Variants in SPACA7 observed in about 807,000 individuals in gnomAD.
SPACA7 encodes the protein sperm acrosome associated 7.
Under a neutral mutation model 26.3 loss-of-function variants are expected in SPACA7, and 19 were observed. The observed-to-expected ratio is 0.72, with a 90% CI of 0.50 to 1.06. The LOEUF (loss-of-function observed/expected upper bound fraction) is 1.06. SPACA7 is among the 50% of genes least tolerant of loss of function. The pLI is 0.00. For missense variants in SPACA7, 211 were observed against 229.9 expected, an observed-to-expected ratio of 0.92 and a Z score of 0.53; for synonymous variants, 84 against 84.5, an observed-to-expected ratio of 0.99 and a Z score of 0.04.
At chr13:112,381,093 GCTTAT>G (rs1212465403) in intron 1 of SPACA7, among the ~76,000 whole-genome samples, 2 of 152,074 alleles carry the variant, frequency 1.3e-5, no homozygotes, top group Non-Finnish European at 2.9e-5. Context: ...TGTTTCAATA[GCTTAT>G]CTTATTTAAA....
intron 5 of SPACA7, among the ~76,000 whole-genome samples, chr13:112,402,532 C>T (rs1232065528): frequency 6.6e-6 from 1 of 152,124 alleles, no homozygotes; most frequent in East Asian, 1.9e-4. Context: ...ATGTCCCTTG[C>T]CTAATTGCAT....
chr13:112,432,420 T>C (rs1383332624), intron 5 of SPACA7, 24 bp from the exon 6 acceptor site: 16 of 1,539,906 alleles, frequency 1.0e-5, no homozygotes, highest in East Asian at 2.2e-5. Flanking sequence ...AGAGTGATCA[T>C]TGTACTTATT....
In SPACA7 at chr13:112,431,959, C is replaced by T. The variant is rs559093514; in HGVS notation, c.446-485C>T. On this transcript the variant is annotated intron_variant, in intron 5 of 6. Transcript: ENST00000283550. Reference sequence around the variant, plus strand: ...TGCACCTCTTCCTGAGCAGCGGGGACCACACAGCATAGTCATTGGTAGAAA... The same window carrying T: ...TGCACCTCTTCCTGAGCAGCGGGGATCACACAGCATAGTCATTGGTAGAAA... Among the ~76,000 whole-genome samples the T allele has an allele frequency of 7.3e-3, 1,108 of 152,248 alleles. 3 individuals are homozygous for T. The highest frequency in any genetic ancestry group is 0.01 in the Non-Finnish European group (711 of 68,020).
At chr13:112,414,196 A>G (rs1886528372) in intron 5 of SPACA7, among the ~76,000 whole-genome samples, 1 of 152,022 alleles carries the variant, frequency 6.6e-6, no homozygotes, top group Admixed American at 6.6e-5. Context: ...GAAGGGACAA[A>G]CATTCAAACT....
chr13:112,392,003 A>G (rs1426252826), intron 1 of SPACA7, among the ~76,000 whole-genome samples: 3 of 152,182 alleles, frequency 2.0e-5, no homozygotes, highest in Non-Finnish European at 4.4e-5. Context: ...CCATTTGGAA[A>G]TCAGCTTTGT....
At chr13:112,381,336 T>C (rs1396371892) in intron 1 of SPACA7, among the ~76,000 whole-genome samples, 2 of 151,724 alleles carry the variant, frequency 1.3e-5, no homozygotes, top group Non-Finnish European at 2.9e-5. Flanking sequence ...CCAAAAAAAA[T>C]GCAGAAATTA....
chr13:112,410,063 G>T (rs1886246842), intron 5 of SPACA7, among the ~76,000 whole-genome samples: 1 of 152,144 alleles, frequency 6.6e-6, no homozygotes, highest in Non-Finnish European at 1.5e-5. Context: ...CATGTCCTTT[G>T]TAGGGACATG....
chr13:112,376,948 C>T (rs527860589), intron 1 of SPACA7, among the ~76,000 whole-genome samples: 1 of 152,194 alleles, frequency 6.6e-6, no homozygotes, highest in African/African-American at 2.4e-5. Context: ...ACATAATTAC[C>T]AAAAGCCTTT....
chr13:112,432,457 G>T lies in SPACA7; in HGVS notation c.459G>T (p.Lys153Asn). Residue 153 changes from lysine to asparagine, a missense_variant, in exon 6 of 7, where the codon AAG becomes AAT. Transcript: ENST00000283550. ...TTTTCCCCACAGAAAAGAATTCAAA[G>T]AACACTCAGTATGAAAATCTATCCA... ...KSVSSKEKNS[K>N]NTQYENLSIL... The T allele has an allele frequency of 6.2e-7, 1 of 1,609,122 alleles. No individual in the cohort carries two copies. The highest frequency in any genetic ancestry group is 8.5e-7 in the Non-Finnish European group (1 of 1,175,442).
intron 5 of SPACA7, among the ~76,000 whole-genome samples, chr13:112,417,191 A>G (rs1886748981): frequency 6.6e-6 from 1 of 152,142 alleles, no homozygotes; most frequent in African/African-American, 2.4e-5. Flanking sequence ...AAGTTATCTT[A>G]ATTATAACTT....
At chr13:112,378,547 T>A (rs184165744) in intron 1 of SPACA7, 2 of 366,302 alleles carry the variant, frequency 5.5e-6, no homozygotes, top group South Asian at 2.2e-5. Context: ...TTAGATTTTT[T>A]AAAAGCTTTT....
chr13:112,416,342 A>C (rs1886694061), intron 5 of SPACA7, among the ~76,000 whole-genome samples: 1 of 151,922 alleles, frequency 6.6e-6, no homozygotes, highest in Admixed American at 6.6e-5. Flanking sequence ...GCTGGAGTGC[A>C]GTGGCATGAT....
intron 5 of SPACA7, among the ~76,000 whole-genome samples, chr13:112,431,152 A>G (rs1288626054): frequency 6.6e-6 from 1 of 152,252 alleles, no homozygotes; most frequent in Non-Finnish European, 1.5e-5. Context: ...CTTATTAAAC[A>G]TATAAACTGA....
intron 5 of SPACA7, among the ~76,000 whole-genome samples, chr13:112,429,325 A>G (rs2139076819): frequency 6.6e-6 from 1 of 152,134 alleles, no homozygotes; most frequent in East Asian, 1.9e-4. Context: ...GCAGTGAGCC[A>G]AGATGGTGCC....
chr13:112,377,861 G>C (rs1412745294), intron 1 of SPACA7, among the ~76,000 whole-genome samples: 3 of 152,174 alleles, frequency 2.0e-5, no homozygotes, highest in African/African-American at 4.8e-5. Flanking sequence ...TTAATGAGGG[G>C]AATGTCTACG....
rs869183760 is a variant in SPACA7, at chr13:112,414,388, C to CTTTTT, written c.445+13260_445+13264dup. On this transcript the variant is annotated intron_variant, in intron 5 of 6. Transcript: ENST00000283550. The stretch of plus-strand genomic sequence containing the variant: ...AAGTTTCTGAATGGCTTTTCTGTGT[C>CTTTTT]TTTTTTTTTTTTTTTTTTTTTTTTT... Among the ~76,000 whole-genome samples the CTTTTT allele has an allele frequency of 1.8e-3, 55 of 31,394 alleles. 20 individuals carry two copies. The highest frequency in any genetic ancestry group is 2.4e-3 in the East Asian group (2 of 820). 20.6% of individuals were successfully genotyped at this position (31,394 alleles called of 152,430 possible).
At chr13:112,433,341 C>T (rs1566495234) in intron 6 of SPACA7, among the ~76,000 whole-genome samples, 1 of 148,970 alleles carries the variant, frequency 6.7e-6, no homozygotes, top group Non-Finnish European at 1.5e-5. Context: ...GACCCTGTCA[C>T]CTTCACTCAC....
At chr13:112,407,109 G>C (rs1242397784) in intron 5 of SPACA7, among the ~76,000 whole-genome samples, 1 of 152,192 alleles carries the variant, frequency 6.6e-6, no homozygotes, top group Non-Finnish European at 1.5e-5. Flanking sequence ...ACCTGCTCCT[G>C]AATGACTACT....
At chr13:112,406,466 T>C (rs1278571529) in intron 5 of SPACA7, among the ~76,000 whole-genome samples, 1 of 152,230 alleles carries the variant, frequency 6.6e-6, no homozygotes, top group Non-Finnish European at 1.5e-5. Flanking sequence ...AAATTACATA[T>C]CTGATAGAGA....
Sources: gnomAD v4.1 joint callset for allele counts (sites outside exome capture counted in the v4.1 genomes callset) on GRCh38, gnomAD v4.1.1 for gene constraint, MANE v1.5 for transcripts, NCBI Gene and HGNC (gene_info 2026-07-23, HGNC 2026-07-21) for gene names.